The following MORF4L1 variants were observed in gnomAD, a reference collection of about 807,000 sequenced individuals.
The protein encoded by MORF4L1 is mortality factor 4 like 1, also known as mortality factor 4-like protein 1.
Under a neutral mutation model 52.9 loss-of-function variants are expected in MORF4L1, and 4 were observed. That is an observed-to-expected ratio of 0.08 (90% CI 0.04 to 0.17). The LOEUF is 0.17. Among genes scored for constraint, MORF4L1 ranks in the 10% least tolerant of loss-of-function variants. The pLI is 1.00. For synonymous variants in MORF4L1, 123 were observed against 134.8 expected (o/e 0.91, Z 0.61); for missense variants, 214 against 390.4 (o/e 0.55, Z 3.81).
intron 6 of MORF4L1, 188 bp downstream of exon 6, chr15:78,891,202 A>G: frequency 2.6e-6 from 2 of 765,128 alleles, no homozygotes; most frequent in South Asian, 3.3e-5. Context: ...GAAACTTGTG[A>G]GCATTTATTT....
At position 78,891,554 on chromosome 15, in the gene MORF4L1, A is replaced by G. The variant is rs200176445; in HGVS notation, c.420A>G (p.Val140=). Residue 140 remains valine (V), a synonymous_variant, in exon 7 of 12, where the codon GTA becomes GTG. Transcript: ENST00000426013. ...PQPPRKKRAR[V]DPTVENEETF... Reference sequence around the variant, plus strand: ...CTCCTCGGAAGAAAAGGGCCCGGGTAGATCCTACTGTTGAAAATGTGAGTT... The same window carrying G: ...CTCCTCGGAAGAAAAGGGCCCGGGTGGATCCTACTGTTGAAAATGTGAGTT... 13 of 1,613,160 alleles carry G rather than the reference A, an allele frequency of 8.1e-6. No homozygotes were observed. The East Asian group carries it at 1.8e-4, about 22-fold the overall frequency.
intron 11 of MORF4L1, among the ~76,000 whole-genome samples, chr15:78,895,336 C>G (rs1259253387): frequency 6.6e-6 from 1 of 152,026 alleles, no homozygotes; most frequent in Non-Finnish European, 1.5e-5. Flanking sequence ...AATGAACAAA[C>G]CAGTGAAAAG....
At chr15:78,888,472 C>G (rs544102280) in intron 5 of MORF4L1, among the ~76,000 whole-genome samples, 52 of 151,776 alleles carry the variant, frequency 3.4e-4, no homozygotes, top group African/African-American at 9.7e-4. Context: ...AGTTGATGTA[C>G]CTGAAAGTGG....
chr15:78,892,489 GAATA>G, intron 8 of MORF4L1, 176 bp downstream of exon 8: 1 of 473,794 alleles, frequency 2.1e-6, no homozygotes, highest in Admixed American at 3.7e-5. Context: ...TAAGTTAGAA[GAATA>G]AAAGTTCACA....
chr15:78,889,472 G>A (rs2056762404), intron 5 of MORF4L1, among the ~76,000 whole-genome samples: 1 of 152,068 alleles, frequency 6.6e-6, no homozygotes, highest in Admixed American at 6.6e-5. Context: ...GAGCATTTTG[G>A]CTTTGGGATG....
At chr15:78,883,140 A>G (rs1157119709) in intron 3 of MORF4L1, among the ~76,000 whole-genome samples, 1 of 151,064 alleles carries the variant, frequency 6.6e-6, no homozygotes, top group South Asian at 2.1e-4. Flanking sequence ...GCTTGAACCC[A>G]GGAGGCGAAG....
intron 1 of MORF4L1, 72 bp downstream of exon 1, chr15:78,873,129 CTTGAGGGCCG>C: frequency 6.5e-7 from 1 of 1,544,772 alleles, no homozygotes; most frequent in Non-Finnish European, 8.7e-7. Flanking sequence ...GTGATTGAGG[CTTGAGGGCCG>C]GGGGCGGCGC....
rs145863233 is a variant in MORF4L1 at position 78,877,357 on chromosome 15, T to A, written c.41-856T>A. Among the ~76,000 whole-genome samples the A allele has an allele frequency of 1.1e-3, 166 of 152,232 alleles. No individual in the cohort carries two copies. In the East Asian group the frequency reaches 0.018, roughly 16 times the overall value. On this transcript the variant is annotated intron_variant, in intron 1 of 11. Transcript: ENST00000426013. ...CTGGTCTCAAACTCCTGACCTCAGG[T>A]GATCCAGCCACCTCGGCCTCCCTAA...
chr15:78,895,219 A>G (rs1269465518), intron 11 of MORF4L1, among the ~76,000 whole-genome samples: 1 of 152,230 alleles, frequency 6.6e-6, no homozygotes, highest in African/African-American at 2.4e-5. Context: ...TTAAAATTAA[A>G]TTGTTAAGAT....
At chr15:78,880,427 G>A (rs2141462349) in intron 2 of MORF4L1, 85 bp from the exon 3 acceptor site, 1 of 943,804 alleles carries the variant, frequency 1.1e-6, no homozygotes, top group Non-Finnish European at 1.6e-6. Flanking sequence ...TAAAGCTTGT[G>A]TAGAGTGTCT....
At chr15:78,876,395 A>G (rs542010285) in intron 1 of MORF4L1, 1 of 363,524 alleles carries the variant, frequency 2.8e-6, no homozygotes. Flanking sequence ...TTGGTTTTCC[A>G]TTGGAAATTC....
chr15:78,886,068 G>T (rs896606131), intron 3 of MORF4L1, 73 bp from the exon 4 acceptor site: 13 of 1,084,516 alleles, frequency 1.2e-5, no homozygotes, highest in Middle Eastern at 2.8e-4. Context: ...ATCCAGTCTT[G>T]CCTCTTGATC....
intron 10 of MORF4L1, 64 bp downstream of exon 10, chr15:78,894,294 A>G (rs1002375522): frequency 7.6e-7 from 1 of 1,313,340 alleles, no homozygotes; most frequent in Non-Finnish European, 1.0e-6. Flanking sequence ...AATGAATAAG[A>G]GGTAAAGTAA....
In MORF4L1 at chr15:78,887,163, CTTG is replaced by C. The variant is rs1421578307; in HGVS notation, c.243-102_243-100del. ...ATATCTCTGTCCAACTTGTTAAAAA[CTTG>C]TTGCCAGAATTTGAATGTAAATTCC... On this transcript the variant is annotated intron_variant, in intron 4 of 11. Transcript: ENST00000426013. 260 of 924,790 alleles carry C rather than the reference CTTG, an allele frequency of 2.8e-4. 2 individuals carry two copies. Among genetic ancestry groups the C allele is most frequent in the Non-Finnish European group, 2.7e-5 (16 of 592,924 alleles). The allele number at this position is 924,790 out of a possible 1,614,324, so 57.3% of individuals were successfully genotyped here. A position where few individuals can be genotyped will look rare whatever the true frequency, so the allele number is the denominator to read the frequency against.
rs553403269 is a variant in MORF4L1 at position 78,890,204 on chromosome 15, A to AAAAT, written c.324-773_324-770dup. On this transcript the variant is annotated intron_variant, in intron 5 of 11. Coordinates refer to ENST00000426013, the MANE Select transcript of MORF4L1 (RefSeq NM_006791.4). ...AACAGACAGAGCAAGACTCCATCTC[A>AAAAT]AAATAAATAAATAAAGCAAAATTAG... Among the ~76,000 whole-genome samples, 13 of 152,036 alleles carry AAAAT rather than the reference A, an allele frequency of 8.6e-5. No individual in the cohort carries two copies. In the South Asian group the frequency reaches 2.7e-3, roughly 32 times the overall value.
chr15:78,880,097 A>T (rs2056573897), intron 2 of MORF4L1, among the ~76,000 whole-genome samples: 1 of 152,214 alleles, frequency 6.6e-6, no homozygotes, highest in Admixed American at 6.5e-5. Flanking sequence ...AGTTGTTTAA[A>T]CTAACTTTTC....
chr15:78,882,985 C>T (rs146326397), intron 3 of MORF4L1, among the ~76,000 whole-genome samples: 64 of 152,028 alleles, frequency 4.2e-4, no homozygotes, highest in African/African-American at 1.3e-3. Context: ...GAGGCCAAAA[C>T]GGTTGGATCA....
chr15:78,875,340 T>C (rs2056464747), intron 1 of MORF4L1, among the ~76,000 whole-genome samples: 2 of 152,134 alleles, frequency 1.3e-5, no homozygotes, highest in South Asian at 2.1e-4. Context: ...AGTGGGGTAA[T>C]TGGAGAAGAG....
intron 1 of MORF4L1, among the ~76,000 whole-genome samples, chr15:78,874,443 G>A (rs1003059942): frequency 2.6e-5 from 4 of 152,080 alleles, no homozygotes; most frequent in African/African-American, 9.7e-5. Flanking sequence ...CGCTATCTCG[G>A]CTCACCTCTG....
Sources: allele counts gnomAD v4.1 joint callset (sites outside exome capture counted in the v4.1 genomes callset), GRCh38; gene constraint gnomAD v4.1.1; transcripts MANE v1.5; gene names NCBI Gene and HGNC (gene_info 2026-07-23, HGNC 2026-07-21).